Variants in FAM219A observed in about 807,000 individuals in gnomAD.
The protein encoded by FAM219A is protein FAM219A.
In FAM219A, 7 loss-of-function variants were observed where a neutral mutation model predicts 23.4. The observed-to-expected ratio is 0.30, with a 90% CI of 0.17 to 0.56. FAM219A has a LOEUF of 0.56. Among genes scored for constraint, FAM219A ranks in the 20% least tolerant of loss-of-function variants. The pLI, the probability that FAM219A is intolerant of heterozygous loss-of-function variation, is 0.92. For missense variants in FAM219A, 166 were observed against 246.9 expected, an observed-to-expected ratio of 0.67 and a Z score of 2.20; for synonymous variants, 93 against 99.0, an observed-to-expected ratio of 0.94 and a Z score of 0.36.
At chr9:34,429,961 C>T (rs1822628577) in intron 1 of FAM219A, among the ~76,000 whole-genome samples, 1 of 152,160 alleles carries the variant, frequency 6.6e-6, no homozygotes, top group Non-Finnish European at 1.5e-5. Context: ...CCACTGGTTT[C>T]TTACCCCATC....
At chr9:34,444,391 G>A (rs1207224618) in intron 1 of FAM219A, among the ~76,000 whole-genome samples, 1 of 152,158 alleles carries the variant, frequency 6.6e-6, no homozygotes, top group Non-Finnish European at 1.5e-5. Flanking sequence ...TCCATTTCCA[G>A]GAGGATGTGT....
intron 1 of FAM219A, among the ~76,000 whole-genome samples, chr9:34,423,655 T>C (rs1312010121): frequency 1.3e-5 from 2 of 152,282 alleles, no homozygotes; most frequent in South Asian, 2.1e-4. Context: ...CTGACTGCTC[T>C]GGGAGCAGGT....
chr9:34,401,885 C>A (rs939299974), intron 4 of FAM219A, among the ~76,000 whole-genome samples, 165 bp from the exon 5 acceptor site: 55 of 152,236 alleles, frequency 3.6e-4, no homozygotes, highest in African/African-American at 1.3e-3. Context: ...ATTTTAAAGA[C>A]AAGTTCCCTA....
chr9:34,410,922 T>C (rs1291729861), intron 1 of FAM219A, among the ~76,000 whole-genome samples: 1 of 151,984 alleles, frequency 6.6e-6, no homozygotes, highest in Non-Finnish European at 1.5e-5. Context: ...ATGAAAGGAG[T>C]TAATATGTAT....
intron 1 of FAM219A, among the ~76,000 whole-genome samples, chr9:34,432,480 G>A (rs1488515098): frequency 6.6e-6 from 1 of 152,188 alleles, no homozygotes; most frequent in African/African-American, 2.4e-5. Flanking sequence ...CCCTTGGCTT[G>A]CATGGAAACA....
intron 1 of FAM219A, among the ~76,000 whole-genome samples, chr9:34,449,924 T>C (rs1480087730): frequency 6.6e-6 from 1 of 152,178 alleles, no homozygotes; most frequent in African/African-American, 2.4e-5. Flanking sequence ...TCAATATTCC[T>C]AACAGAATAC....
chr9:34,401,825 T>G lies in FAM219A; in HGVS notation c.345-105A>C. 5.7e-6 allele frequency: 7 copies of G among 1,238,850 alleles called. No homozygotes were observed. In the South Asian group the frequency reaches 9.3e-5, roughly 16 times the overall value. The allele number at this position is 1,238,850 out of a possible 1,614,324, so 76.7% of individuals were successfully genotyped here. On this transcript the variant is annotated intron_variant, in intron 4 of 5. Coordinates refer to ENST00000651358, the MANE Select transcript of FAM219A (RefSeq NM_001184940.2). ...CAGCATCCTATACCTCCCTTACAGT[T>G]CCAAATAGCAAAATCTCAATACGAA... is the stretch of plus-strand genomic sequence containing the variant.
intron 1 of FAM219A, among the ~76,000 whole-genome samples, chr9:34,407,417 A>G (rs1821677085): frequency 6.6e-6 from 1 of 152,234 alleles, no homozygotes; most frequent in Admixed American, 6.5e-5. Flanking sequence ...TATAACAAGT[A>G]GAGAAAACAG....
chr9:34,413,772 G>A (rs1821906353), intron 1 of FAM219A, among the ~76,000 whole-genome samples: 1 of 152,226 alleles, frequency 6.6e-6, no homozygotes, highest in African/African-American at 2.4e-5. Context: ...ATAGCAGGAG[G>A]CAGGATAGAC....
At chr9:34,456,600 A>C (rs12352977) in intron 1 of FAM219A, among the ~76,000 whole-genome samples, 31,127 of 152,108 alleles carry the variant, frequency 0.2, 3,763 homozygotes, top group African/African-American at 0.34. Flanking sequence ...CTCGTTTGAC[A>C]AGCCAGGTTA....
chr9:34,443,255 G>T (rs186153756), intron 1 of FAM219A, among the ~76,000 whole-genome samples: 90 of 152,242 alleles, frequency 5.9e-4, no homozygotes, highest in African/African-American at 2.1e-3. Flanking sequence ...AACAGCAGTA[G>T]GACACCCTCC....
chr9:34,429,937 A>C (rs1037749582), intron 1 of FAM219A, among the ~76,000 whole-genome samples: 2 of 152,082 alleles, frequency 1.3e-5, no homozygotes, highest in African/African-American at 2.4e-5. Flanking sequence ...AGGACCTTTT[A>C]ATATTCCCTT....
chr9:34,452,600 G>A (rs906642119), intron 1 of FAM219A, among the ~76,000 whole-genome samples: 5 of 152,098 alleles, frequency 3.3e-5, no homozygotes, highest in African/African-American at 9.7e-5. Context: ...GTCTGTATTC[G>A]TTTTCCAACT....
intron 1 of FAM219A, among the ~76,000 whole-genome samples, chr9:34,441,102 T>A (rs1219186978): frequency 1.3e-5 from 2 of 152,076 alleles, no homozygotes; most frequent in Non-Finnish European, 2.9e-5. Context: ...GCCTGCCCCA[T>A]CCCTTCCCCC....
intron 2 of FAM219A, 105 bp downstream of exon 2, chr9:34,405,760 G>T: frequency 1.8e-6 from 2 of 1,138,950 alleles, no homozygotes; most frequent in East Asian, 2.6e-5. Context: ...TTGAGTCTTG[G>T]AATCATCTAG....
At chr9:34,454,818 C>T (rs1263485351) in intron 1 of FAM219A, among the ~76,000 whole-genome samples, 1 of 152,148 alleles carries the variant, frequency 6.6e-6, no homozygotes, top group Admixed American at 6.5e-5. Flanking sequence ...AAGATGTGCT[C>T]CCCCTAGAGT....
intron 1 of FAM219A, among the ~76,000 whole-genome samples, chr9:34,447,402 G>A (rs1297054686): frequency 6.6e-6 from 1 of 152,200 alleles, no homozygotes; most frequent in East Asian, 1.9e-4. Flanking sequence ...AATCTGTGCT[G>A]TGCAGATCAC....
At chr9:34,452,049 C>A (rs1823578874) in intron 1 of FAM219A, among the ~76,000 whole-genome samples, 1 of 152,094 alleles carries the variant, frequency 6.6e-6, no homozygotes, top group Non-Finnish European at 1.5e-5. Context: ...AGCACTCAGA[C>A]AACAAAGGAT....
chr9:34,455,338 C>T (rs367767943), intron 1 of FAM219A, among the ~76,000 whole-genome samples: 12 of 151,736 alleles, frequency 7.9e-5, no homozygotes, highest in African/African-American at 2.9e-4. Flanking sequence ...CAATAAATGG[C>T]AAAAAAATGA....
Sources: gnomAD v4.1 joint callset for allele counts (sites outside exome capture counted in the v4.1 genomes callset) on GRCh38, gnomAD v4.1.1 for gene constraint, MANE v1.5 for transcripts, NCBI Gene and HGNC (gene_info 2026-07-23, HGNC 2026-07-21) for gene names.